The following PCDH11Y variants were observed in gnomAD, a reference collection of about 807,000 sequenced individuals.
PCDH11Y encodes the protein protocadherin 11 Y-linked, also known as protocadherin-11 Y-linked.
For missense variants in PCDH11Y, 12 were observed against 224.8 expected, an observed-to-expected ratio of 0.05 and a Z score of 6.05; for synonymous variants, 9 against 83.6, an observed-to-expected ratio of 0.11 and a Z score of 4.87.
intron 2 of PCDH11Y, among the ~76,000 whole-genome samples, chrY:5,407,981 C>A: frequency 3.4e-5 from 1 of 29,687 alleles, no homozygotes; most frequent in Non-Finnish European, 8.1e-5. Flanking sequence ...TATTTTGGCA[C>A]GCAGAAGCAC....
chrY:5,108,483 T>C (rs538458875), downstream of PCDH11Y, among the ~76,000 whole-genome samples: 1,022 of 29,905 alleles, frequency 0.034, no homozygotes, highest in South Asian at 0.25. Context: ...CGTGGTGGCT[T>C]ATGCCTGTAA....
At chrY:5,548,208 A>T in intron 3 of PCDH11Y, among the ~76,000 whole-genome samples, 1 of 32,788 alleles carries the variant, frequency 3.0e-5, no homozygotes, top group Non-Finnish European at 7.5e-5. Flanking sequence ...GATTCAGGAG[A>T]ATGGCAAAAC....
chrY:5,335,267 C>T, intron 2 of PCDH11Y, among the ~76,000 whole-genome samples: 1 of 32,769 alleles, frequency 3.1e-5, no homozygotes, highest in Non-Finnish European at 7.5e-5. Flanking sequence ...AGGCGTGTAG[C>T]CTTTCATCTG....
At chrY:5,403,941 T>C in intron 2 of PCDH11Y, among the ~76,000 whole-genome samples, 1 of 33,359 alleles carries the variant, frequency 3.0e-5, no homozygotes, top group Non-Finnish European at 7.4e-5. Flanking sequence ...ACCACTGTTA[T>C]GACTAGGTCA....
intron 3 of PCDH11Y, among the ~76,000 whole-genome samples, chrY:5,577,547 A>G: frequency 3.0e-5 from 1 of 33,543 alleles, no homozygotes; most frequent in Non-Finnish European, 7.4e-5. Flanking sequence ...TCAAATTAAT[A>G]TTTCTTTGAT....
At chrY:5,323,975 CT>C (rs2053116008) in intron 2 of PCDH11Y, among the ~76,000 whole-genome samples, 1 of 31,965 alleles carries the variant, frequency 3.1e-5, no homozygotes, top group African/African-American at 1.2e-4. Context: ...TTAAAGCAAG[CT>C]GTGAGCCAGG....
At chrY:5,409,850 A>C in intron 2 of PCDH11Y, among the ~76,000 whole-genome samples, 1 of 33,971 alleles carries the variant, frequency 2.9e-5, no homozygotes, top group Non-Finnish European at 7.3e-5. Context: ...GTTAGAAATG[A>C]GCAAGAGTGG....
intron 4 of PCDH11Y, among the ~76,000 whole-genome samples, chrY:5,628,808 C>A: frequency 2.4e-4 from 8 of 33,140 alleles, no homozygotes; most frequent in African/African-American, 8.2e-4. Context: ...GTTTGTTCTG[C>A]ATTTTAAGAA....
chrY:5,683,477 T>C, intron 4 of PCDH11Y, among the ~76,000 whole-genome samples: 2 of 33,080 alleles, frequency 6.0e-5, no homozygotes, highest in Non-Finnish European at 1.5e-4. Context: ...TCCTAAAATG[T>C]ATATGGTTTA....
chrY:5,605,631 AT>A (rs2053478244), intron 4 of PCDH11Y, among the ~76,000 whole-genome samples: 1 of 33,528 alleles, frequency 3.0e-5, no homozygotes, highest in Non-Finnish European at 7.4e-5. Context: ...TCACATAATC[AT>A]TTTATTTTGT....
intron 2 of PCDH11Y, among the ~76,000 whole-genome samples, chrY:5,211,213 C>T: frequency 3.0e-4 from 9 of 29,545 alleles, no homozygotes; most frequent in Admixed American, 9.4e-4. Context: ...ATCCTCAAAG[C>T]GACTCTGCAT....
At chrY:5,035,540 A>G in intron 3 of PCDH11Y, among the ~76,000 whole-genome samples, 3 of 32,581 alleles carry the variant, frequency 9.2e-5, no homozygotes, top group Non-Finnish European at 2.3e-4. Flanking sequence ...TAATATTTTC[A>G]ACACGTGCTG....
intron 2 of PCDH11Y, among the ~76,000 whole-genome samples, chrY:5,124,622 T>A: frequency 3.1e-5 from 1 of 32,674 alleles, no homozygotes. Flanking sequence ...TAGAGTTATA[T>A]CCTCAGCCTG....
intron 2 of PCDH11Y, among the ~76,000 whole-genome samples, chrY:5,494,538 G>GAC (rs750654504): frequency 3.6e-3 from 101 of 27,785 alleles, no homozygotes; most frequent in East Asian, 0.026. Context: ...CACACACACA[G>GAC]ACACACACAC....
rs370504764 is a variant in PCDH11Y at position 5,266,521 on chromosome Y, G to A, written c.3129+165814G>A. ...TGCACTCTAGCCTGGGTGACAGACC[G>A]AGACTCCATCTCAAAAAAACAAAAA... On this transcript the variant is annotated intron_variant, in intron 2 of 4. Coordinates refer to the PCDH11Y transcript ENST00000400457. Among the ~76,000 whole-genome samples the A allele has an allele frequency of 1.2e-4, 4 of 32,416 alleles. No homozygotes were observed. In the South Asian group the frequency reaches 2.8e-3, roughly 23 times the overall value. 87.0% of individuals were successfully genotyped at this position (32,416 alleles called of 37,273 possible).
chrY:5,734,196 C>A, intron 4 of PCDH11Y, among the ~76,000 whole-genome samples: 1 of 32,060 alleles, frequency 3.1e-5, no homozygotes, highest in South Asian at 7.4e-4. Flanking sequence ...GCTGTTGATC[C>A]AGGTGAGGAA....
chrY:5,384,457 A>G, intron 2 of PCDH11Y, among the ~76,000 whole-genome samples: 1 of 30,363 alleles, frequency 3.3e-5, no homozygotes, highest in Non-Finnish European at 7.9e-5. Context: ...ATAGTTTAGT[A>G]TTACAAAACT....
At chrY:5,407,930 A>C in intron 2 of PCDH11Y, among the ~76,000 whole-genome samples, 1 of 31,354 alleles carries the variant, frequency 3.2e-5, no homozygotes, top group Non-Finnish European at 7.8e-5. Context: ...AAAAAAAAAA[A>C]AAAAAAAAAA....
intron 2 of PCDH11Y, among the ~76,000 whole-genome samples, chrY:5,449,272 T>A (rs2124682521): frequency 3.0e-5 from 1 of 32,992 alleles, no homozygotes; most frequent in Non-Finnish European, 7.5e-5. Context: ...TTTTCCTTTT[T>A]TAGCATGAAG....
Sources: gnomAD v4.1 joint callset for allele counts (sites outside exome capture counted in the v4.1 genomes callset) on GRCh38, gnomAD v4.1.1 for gene constraint, MANE v1.5 for transcripts, NCBI Gene and HGNC (gene_info 2026-07-23, HGNC 2026-07-21) for gene names.